SMYD3: variants seen among roughly 807,000 people sequenced by gnomAD.
The protein encoded by SMYD3 is SET and MYND domain containing 3.
Under a neutral mutation model 57.7 loss-of-function variants are expected in SMYD3, and 36 were observed. The ratio of observed to expected loss-of-function variants is 0.62; its 90% CI spans 0.48 to 0.82. The LOEUF (loss-of-function observed/expected upper bound fraction) is 0.82. SMYD3 is among the 40% of genes least tolerant of loss of function. The pLI is 0.00. For missense variants in SMYD3, 515 were observed against 538.8 expected, an observed-to-expected ratio of 0.96 and a Z score of 0.44; for synonymous variants, 211 against 195.0, an observed-to-expected ratio of 1.08 and a Z score of -0.68.
At chr1:246,191,075 G>A (rs1023641463) in intron 5 of SMYD3, among the ~76,000 whole-genome samples, 34 of 152,226 alleles carry the variant, frequency 2.2e-4, no homozygotes, top group African/African-American at 7.7e-4. Context: ...AGGGGAAGAC[G>A]GAGAAAACGC....
intron 5 of SMYD3, among the ~76,000 whole-genome samples, chr1:246,105,382 A>G (rs1417450030): frequency 6.6e-6 from 1 of 152,134 alleles, no homozygotes; most frequent in Non-Finnish European, 1.5e-5. Flanking sequence ...CCAAAAAAAA[A>G]GCACTAAAAA....
chr1:246,089,731 A>G (rs1416084), intron 5 of SMYD3, among the ~76,000 whole-genome samples: 120,022 of 152,086 alleles, frequency 0.79, 47,800 homozygotes, highest in Admixed American at 0.84. Context: ...TTATCTCATG[A>G]TGGTATGAAC....
At chr1:246,422,610 C>T (rs984689749) in intron 1 of SMYD3, among the ~76,000 whole-genome samples, 9 of 151,972 alleles carry the variant, frequency 5.9e-5, no homozygotes, top group African/African-American at 1.2e-4. Context: ...TTAGTAGAGA[C>T]GGGGTTTCGC....
At chr1:246,100,881 A>C (rs1472541327) in intron 5 of SMYD3, among the ~76,000 whole-genome samples, 1 of 152,106 alleles carries the variant, frequency 6.6e-6, no homozygotes, top group Admixed American at 6.6e-5. Flanking sequence ...TATCATGGAG[A>C]AAAACAGGCT....
intron 8 of SMYD3, among the ~76,000 whole-genome samples, chr1:245,905,935 A>G (rs1161942999): frequency 6.6e-6 from 1 of 152,276 alleles, no homozygotes; most frequent in Non-Finnish European, 1.5e-5. Context: ...AAAACTGGAT[A>G]GCCATATGCA....
intron 5 of SMYD3, among the ~76,000 whole-genome samples, chr1:246,285,522 T>G (rs1223172057): frequency 1.3e-5 from 2 of 151,000 alleles, no homozygotes; most frequent in Non-Finnish European, 2.9e-5. Flanking sequence ...ATCTAAGACC[T>G]GAAACTATAA....
chr1:245,867,664 G>GTGCACA (rs1268605416), intron 8 of SMYD3, among the ~76,000 whole-genome samples: 1 of 122,102 alleles, frequency 8.2e-6, no homozygotes, highest in African/African-American at 3.2e-5. Context: ...GTGTGCGTGC[G>GTGCACA]CGCGCACACA....
intron 5 of SMYD3, among the ~76,000 whole-genome samples, chr1:246,145,661 T>C (rs1335357641): frequency 6.6e-6 from 1 of 152,202 alleles, no homozygotes; most frequent in Admixed American, 6.5e-5. Context: ...ATTCAGTAAG[T>C]AGCGTAAGCC....
At chr1:245,982,607 T>C (rs1246746900) in intron 5 of SMYD3, among the ~76,000 whole-genome samples, 11 of 152,236 alleles carry the variant, frequency 7.2e-5, no homozygotes, top group Admixed American at 6.5e-4. Context: ...TGTTTTGTTT[T>C]TTACTAATCC....
chr1:245,978,418 A>C (rs1364258469), intron 5 of SMYD3, among the ~76,000 whole-genome samples: 1 of 152,226 alleles, frequency 6.6e-6, no homozygotes, highest in South Asian at 2.1e-4. Context: ...CACAAAAAAT[A>C]AGTACAACAG....
chr1:245,817,452 C>T (rs2048916234), intron 10 of SMYD3, among the ~76,000 whole-genome samples: 1 of 150,612 alleles, frequency 6.6e-6, no homozygotes, highest in Non-Finnish European at 1.5e-5. Flanking sequence ...GGGGAAAAAA[C>T]AGAACAGAAA....
intron 1 of SMYD3, among the ~76,000 whole-genome samples, chr1:246,432,180 TA>T (rs1558462147): frequency 1.3e-5 from 2 of 152,344 alleles, no homozygotes; most frequent in East Asian, 3.9e-4. Flanking sequence ...CACTGCATAA[TA>T]GCAGAACTAT....
intron 5 of SMYD3, among the ~76,000 whole-genome samples, chr1:246,286,941 G>A (rs1001006202): frequency 4.7e-5 from 7 of 149,722 alleles, no homozygotes; most frequent in Admixed American, 2.0e-4. Flanking sequence ...ACGGAATCTC[G>A]GCTATTGCAA....
At chr1:245,988,527 G>T (rs967351638) in intron 5 of SMYD3, 2 of 152,262 alleles carry the variant, frequency 1.3e-5, no homozygotes, top group African/African-American at 4.8e-5. Context: ...AGCTTCTGTA[G>T]CGAGCCTCTG....
chr1:246,204,769 C>T (rs2062973033), intron 5 of SMYD3, among the ~76,000 whole-genome samples: 1 of 152,184 alleles, frequency 6.6e-6, no homozygotes, highest in African/African-American at 2.4e-5. Context: ...CATTTTAGAA[C>T]ACAGTCAATC....
chr1:246,271,279 T>G (rs911195675), intron 5 of SMYD3, among the ~76,000 whole-genome samples: 1 of 152,232 alleles, frequency 6.6e-6, no homozygotes, highest in Non-Finnish European at 1.5e-5. Context: ...TGTCTTTTGA[T>G]GCACCAAATT....
At chr1:246,206,417 G>A (rs1043019726) in intron 5 of SMYD3, among the ~76,000 whole-genome samples, 3 of 151,892 alleles carry the variant, frequency 2.0e-5, no homozygotes, top group Admixed American at 1.3e-4. Flanking sequence ...TAATAAAGAG[G>A]TATTTAGACT....
intron 5 of SMYD3, among the ~76,000 whole-genome samples, chr1:246,127,065 T>C (rs1442170876): frequency 1.3e-5 from 2 of 152,170 alleles, no homozygotes; most frequent in Non-Finnish European, 2.9e-5. Context: ...CCAATGTATC[T>C]ACACAGGAAG....
intron 9 of SMYD3, 21 bp from the exon 10 acceptor site, chr1:245,858,691 G>A (rs886336375): frequency 6.2e-6 from 10 of 1,600,420 alleles, no homozygotes; most frequent in Non-Finnish European, 8.5e-6. Context: ...CCTTAGTTAA[G>A]GATTCATTGT....
Sources: gnomAD v4.1 joint callset for allele counts (sites outside exome capture counted in the v4.1 genomes callset) on GRCh38, gnomAD v4.1.1 for gene constraint, MANE v1.5 for transcripts, NCBI Gene and HGNC (gene_info 2026-07-23, HGNC 2026-07-21) for gene names.